The following SLC11A2 variants were observed in gnomAD, a reference collection of about 807,000 sequenced individuals.
The protein encoded by SLC11A2 is natural resistance-associated macrophage protein 2.
SLC11A2 carries 38 observed loss-of-function variants against 68.0 expected under a neutral mutation model. The ratio of observed to expected loss-of-function variants is 0.56; its 90% confidence interval spans 0.43 to 0.73. SLC11A2 has a LOEUF of 0.73. SLC11A2 is among the 30% of genes least tolerant of loss of function. The probability of loss-of-function intolerance (pLI) is 0.00; values close to 1 mark genes in which losing one functional copy is unlikely to be tolerated. For missense variants in SLC11A2, 517 were observed against 690.5 expected (o/e 0.75, Z 2.82); for synonymous variants, 242 against 250.6 (o/e 0.97, Z 0.32).
intron 13 of SLC11A2, 92 bp from the exon 14 acceptor site, chr12:50,991,764 G>C (rs1364596904): frequency 1.1e-6 from 1 of 925,982 alleles, no homozygotes; most frequent in African/African-American, 1.6e-5. Flanking sequence ...CATAAATGCT[G>C]CCTCAACTAC....
chr12:50,992,745 AAGAAGAAG>A, intron 12 of SLC11A2, 57 bp downstream of exon 12: 9 of 815,880 alleles, frequency 1.1e-5, no homozygotes, highest in Non-Finnish European at 1.7e-6. Context: ...AAAAAAAAAA[AAGAAGAAG>A]AAGAAGAAGT....
chr12:51,001,726 T>C (rs1942261573), intron 5 of SLC11A2, among the ~76,000 whole-genome samples: 1 of 150,804 alleles, frequency 6.6e-6, no homozygotes, highest in South Asian at 2.1e-4. Context: ...CCCAACTACT[T>C]GGGAGGCTGA....
intron 3 of SLC11A2, 145 bp downstream of exon 3, chr12:51,008,331 A>G (rs1203197362): frequency 1.5e-5 from 10 of 648,908 alleles, no homozygotes; most frequent in East Asian, 5.8e-5. Context: ...GTGTGTATAT[A>G]TATATATAGA....
rs764475098 is a variant in SLC11A2 at position 51,004,888 on chromosome 12, A to C, written c.329T>G (p.Leu110Trp). The change falls in exon 5 of 16, where the codon TTG (leucine) becomes TGG (tryptophan). Residue 110 changes from leucine (L) to tryptophan (W), a missense_variant. Coordinates refer to ENST00000262052, the MANE Select transcript of SLC11A2 (RefSeq NM_000617.3). ...GAGCAGCAGCCCCACAAGGGTGGCC[A>C]ACAGAAGGATCCAGAGCAACTAAGA... ...AGFKLLWILLLATLVGLLLQR... is the reference protein window; with the variant it reads ...AGFKLLWILLWATLVGLLLQR... 6.2e-7 allele frequency: 1 copy of C among 1,614,058 alleles called. No homozygotes were observed. Among genetic ancestry groups the C allele is most frequent in the Non-Finnish European group, 8.5e-7 (1 of 1,180,018 alleles).
At chr12:50,994,899 C>T (rs1036837666) in intron 10 of SLC11A2, 5 of 442,054 alleles carry the variant, frequency 1.1e-5, no homozygotes, top group African/African-American at 1.0e-4. Flanking sequence ...TAAATGATGA[C>T]AAGAGGAGAG....
chr12:51,027,732 A>G (rs1400745765), upstream of SLC11A2, among the ~76,000 whole-genome samples: 5 of 151,658 alleles, frequency 3.3e-5, no homozygotes, highest in South Asian at 4.2e-4. Context: ...CGCCACCCTC[A>G]CTCCCCGACC....
chr12:50,990,477 G>T, intron 15 of SLC11A2: 1 of 259,038 alleles, frequency 3.9e-6, no homozygotes, highest in East Asian at 7.5e-5. Context: ...TGAATTTTAT[G>T]GTTAGAAATA....
chr12:51,008,332 TATATATAG>T (rs1442210553), intron 3 of SLC11A2, 136 bp downstream of exon 3: 9 of 652,270 alleles, frequency 1.4e-5, no homozygotes, highest in Non-Finnish European at 2.2e-5. Flanking sequence ...TGTGTATATA[TATATATAG>T]ATATATAGAT....
At chr12:50,957,077 A>G in the SLC11A2 span, among the ~76,000 whole-genome samples, 1 of 152,052 alleles carries the variant, frequency 6.6e-6, no homozygotes, top group African/African-American at 2.4e-5. Context: ...ATGTAAATGT[A>G]ATGATTTACT....
intron 1 of SLC11A2, chr12:51,025,921 A>ATAGTGT: frequency 1.0e-6 from 1 of 989,338 alleles, no homozygotes; most frequent in Non-Finnish European, 1.2e-6. Flanking sequence ...GAGGCCACGA[A>ATAGTGT]AGACCTTGCC....
In SLC11A2 at chr12:50,986,959, C is replaced by T. The variant is rs1940635026; in HGVS notation, c.*1366G>A. On this transcript the variant is annotated 3_prime_UTR_variant, in exon 16 of 16. Coordinates refer to ENST00000262052, the MANE Select transcript of SLC11A2 (RefSeq NM_000617.3). ...TCCAAAAATGAGAAGTCCTTCAACA[C>T]CATTTTCCATTACTGTTCTCACCAA... The T allele has an allele frequency of 1.6e-6, 2 of 1,287,070 alleles. No homozygotes were observed. The highest frequency in any genetic ancestry group is 2.5e-5 in the South Asian group (2 of 80,944). 79.7% of individuals were successfully genotyped at this position (1,287,070 alleles called of 1,614,324 possible). A position where few individuals can be genotyped will look rare whatever the true frequency, so the allele number is the denominator to read the frequency against.
the SLC11A2 span, among the ~76,000 whole-genome samples, chr12:50,963,377 AAAAAAAAAAAAAAAAAG>A: frequency 6.7e-6 from 1 of 149,486 alleles, no homozygotes; most frequent in African/African-American, 2.5e-5. Context: ...CTCAAAAAAA[AAAAAAAAAAAAAAAAAG>A]AAAAGAAAAG....
intron 5 of SLC11A2, among the ~76,000 whole-genome samples, chr12:51,003,535 G>A (rs1942453336): frequency 6.6e-6 from 1 of 150,744 alleles, no homozygotes; most frequent in Non-Finnish European, 1.5e-5. Context: ...CTGGGCAACA[G>A]AGTGAGATTC....
chr12:50,957,936 A>AGG, the SLC11A2 span, among the ~76,000 whole-genome samples: 13 of 72,016 alleles, frequency 1.8e-4, no homozygotes, highest in African/African-American at 3.0e-4. Flanking sequence ...CATGAATTGG[A>AGG]GGTGTGTGTG....
chr12:51,028,068 G>A, upstream of SLC11A2: 1 of 610,048 alleles, frequency 1.6e-6, no homozygotes, highest in Non-Finnish European at 2.7e-6. Context: ...CTCCAGATCG[G>A]AACCTTTCCT....
In SLC11A2 at chr12:51,013,289, CT is replaced by C. The variant is rs10588295; in HGVS notation, c.-38-2524del. 6.0e-3 allele frequency among the ~76,000 whole-genome samples: 790 copies of C among 130,956 alleles called. 6 individuals carry two copies. Among genetic ancestry groups the C allele is most frequent in the African/African-American group, 0.019 (683 of 35,608 alleles). 85.9% of individuals were successfully genotyped at this position (130,956 alleles called of 152,430 possible). A position where few individuals can be genotyped will look rare whatever the true frequency, so the allele number is the denominator to read the frequency against. On this transcript the variant is annotated intron_variant, in intron 1 of 15. Transcript: ENST00000262052. ...AAAATGAGCTGAATGAATTAAATTG[CT>C]TTTTTTTTTTTTTTTTTGAGACAGA...
chr12:50,999,200 T>G lies in SLC11A2; in HGVS notation c.649A>C (p.Ile217Leu). 1 of 1,613,604 alleles carries G rather than the reference T, an allele frequency of 6.2e-7. No homozygotes were observed. The highest frequency in any genetic ancestry group is 8.5e-7 in the Non-Finnish European group (1 of 1,179,856). ...TCATATCCAAATGTGAGGGCCATAA[T>G]AGTGATGAGAAAGCCAAAAAATGCT... ...LEAFFGFLITIMALTFGYEYV... is the reference protein window; with the variant it reads ...LEAFFGFLITLMALTFGYEYV... Residue 217 changes from isoleucine (I) to leucine (L), a missense_variant, in exon 8 of 16, where the codon ATT (isoleucine) becomes CTT (leucine). Ile to Leu is a conservative substitution (Grantham distance 5). Transcript: ENST00000262052.
chr12:51,016,706 G>A (rs1943681824), intron 1 of SLC11A2, among the ~76,000 whole-genome samples: 1 of 150,872 alleles, frequency 6.6e-6, no homozygotes. Flanking sequence ...AGTTAGCCGG[G>A]TGTGGTGGTG....
the SLC11A2 span, among the ~76,000 whole-genome samples, chr12:50,963,440 C>T: frequency 6.7e-6 from 1 of 149,838 alleles, no homozygotes; most frequent in African/African-American, 2.5e-5. Context: ...CCAGAACCTG[C>T]AAAGATGAGC....
Sources: allele counts gnomAD v4.1 joint callset (sites outside exome capture counted in the v4.1 genomes callset), GRCh38; gene constraint gnomAD v4.1.1; transcripts MANE v1.5; gene names NCBI Gene and HGNC (gene_info 2026-07-23, HGNC 2026-07-21).